The following TECTA variants were observed in gnomAD, a reference collection of about 807,000 sequenced individuals.
TECTA encodes the protein tectorin alpha, also known as alpha-tectorin.
TECTA carries 128 observed loss-of-function variants against 216.8 expected under a neutral mutation model. The observed-to-expected ratio is 0.59, with a 90% CI of 0.51 to 0.68. The LOEUF (loss-of-function observed/expected upper bound fraction) is 0.68, where lower values mean the gene tolerates loss of function less well. Ranked by LOEUF, TECTA falls within the 30% of genes least tolerant of loss-of-function variation. The probability of loss-of-function intolerance (pLI) is 0.00; values close to 1 mark genes in which losing one functional copy is unlikely to be tolerated. For synonymous variants in TECTA, 1,089 were observed against 1,117.1 expected (o/e 0.97, Z 0.50); for missense variants, 2,551 against 2,786.2 (o/e 0.92, Z 1.90).
chr11:121,106,453 G>A (rs376916641), intron 3 of TECTA, among the ~76,000 whole-genome samples: 106 of 152,208 alleles, frequency 7.0e-4, no homozygotes, highest in African/African-American at 2.4e-3. Context: ...CCTCAATATG[G>A]GTCTGTAGAT....
At position 121,149,077 on chromosome 11, in the gene TECTA, C is replaced by T. The variant is rs192463186; in HGVS notation, c.4105+2961C>T. Among the ~76,000 whole-genome samples, 257 of 152,362 alleles carry T rather than the reference C, an allele frequency of 1.7e-3. 1 individual carries two copies. Among genetic ancestry groups the T allele is most frequent in the Admixed American group, 1.8e-3 (28 of 15,302 alleles). On this transcript the variant is annotated intron_variant, in intron 12 of 23. Coordinates refer to ENST00000392793, the MANE Select transcript of TECTA (RefSeq NM_005422.4). ...TGGGATCTGGGGACTCATGCATTTA[C>T]TTCTCATGGCAACCCTGCCAGGTAG...
At chr11:121,140,186 C>T (rs889503851) in intron 11 of TECTA, among the ~76,000 whole-genome samples, 1 of 152,090 alleles carries the variant, frequency 6.6e-6, no homozygotes, top group Non-Finnish European at 1.5e-5. Context: ...ATTTAGGTAC[C>T]GCAACATCTG....
intron 20 of TECTA, among the ~76,000 whole-genome samples, chr11:121,179,027 T>A (rs1947198916): frequency 6.6e-6 from 1 of 152,112 alleles, no homozygotes; most frequent in African/African-American, 2.4e-5. Flanking sequence ...TGTTATCTTT[T>A]AAAAAACCAA....
chr11:121,125,584 G>T lies in TECTA; in HGVS notation c.1486G>T (p.Asp496Tyr). 6.2e-7 allele frequency: 1 copy of T among 1,613,958 alleles called. No individual in the cohort carries two copies. Among genetic ancestry groups the T allele is most frequent in the Non-Finnish European group, 8.5e-7 (1 of 1,179,940 alleles). ...AGAGAGCTGGCGTGTGTACCACGCA[G>T]ACTGGAAGTGCGACTCCGGCTGCGT... ...LGESWRVYHA[D>Y]WKCDSGCVDN... is the part of the protein sequence containing the mutation. The change falls in exon 8 of 24, where the codon GAC becomes TAC. Residue 496 changes from aspartate to tyrosine, a missense_variant. Physicochemically the swap from Asp to Tyr is radical, Grantham distance 160 (BLOSUM62 -3). Around this residue, in one of 3 missense-constraint regions of TECTA, gnomAD observed 2,375 missense variants for 2,563.9 expected, o/e 0.93. Coordinates refer to ENST00000392793, the MANE Select transcript of TECTA (RefSeq NM_005422.4).
rs1014593982 is a variant in TECTA, at chr11:121,109,411, C to T, written c.399C>T (p.Phe133=). Reference sequence around the variant, plus strand: ...CCACCAAGGACATCAGGAAGTACTTCAAAGACATGGCAACCTTCTCTGCCA... The same window carrying T: ...CCACCAAGGACATCAGGAAGTACTTTAAAGACATGGCAACCTTCTCTGCCA... ...KRATKDIRKY[F]KDMATFSATW... The change falls in exon 4 of 24, where the codon TTC becomes TTT. Residue 133 remains phenylalanine, a synonymous_variant. Transcript: ENST00000392793. 3.1e-6 allele frequency: 5 copies of T among 1,614,200 alleles called. No individual in the cohort carries two copies. Among genetic ancestry groups the T allele is most frequent in the Non-Finnish European group, 2.5e-6 (3 of 1,180,024 alleles).
At chr11:121,176,777 C>T (rs1487538467) in intron 20 of TECTA, among the ~76,000 whole-genome samples, 7 of 152,014 alleles carry the variant, frequency 4.6e-5, no homozygotes, top group South Asian at 2.1e-4. Context: ...TATTTTCCAA[C>T]TTGGTTCCAT....
In TECTA at chr11:121,119,000, C is replaced by CACACACACAA. The variant is rs1238033295; in HGVS notation, c.1203+291_1203+292insAACACACACA. ...CCTCATAAACACTGATAGGCACACA[C>CACACACACAA]ACACACACACACACACACACACACA... On this transcript the variant is annotated intron_variant, in intron 7 of 23. Coordinates refer to ENST00000392793, the MANE Select transcript of TECTA (RefSeq NM_005422.4). Among the ~76,000 whole-genome samples, 697 of 109,254 alleles carry CACACACACAA rather than the reference C, an allele frequency of 6.4e-3. 6 individuals are homozygous for CACACACACAA. The highest frequency in any genetic ancestry group is 0.023 in the African/African-American group (457 of 19,898). The allele number at this position is 109,254 out of a possible 152,430, so 71.7% of individuals were successfully genotyped here.
chr11:121,128,197 G>C lies in TECTA; in HGVS notation c.2220G>C (p.Leu740=). ...CCTCCGAGTTCTCCTACACCCTCCT[G>C]AAGACCTGCCCTGAGCGCCCAGAGT... ...AFPSEFSYTL[L]KTCPERPEYL... The change falls in exon 9 of 24, where the codon CTG becomes CTC. Residue 740 remains leucine, a synonymous_variant. Coordinates refer to ENST00000392793, the MANE Select transcript of TECTA (RefSeq NM_005422.4). The C allele has an allele frequency of 6.2e-7, 1 of 1,606,656 alleles. No homozygotes were observed. The highest frequency in any genetic ancestry group is 8.5e-7 in the Non-Finnish European group (1 of 1,179,982).
intron 3 of TECTA, among the ~76,000 whole-genome samples, chr11:121,106,451 T>G (rs763425360): frequency 3.9e-5 from 6 of 152,178 alleles, no homozygotes; most frequent in Non-Finnish European, 8.8e-5. Flanking sequence ...ACCCTCAATA[T>G]GGGTCTGTAG....
chr11:121,140,129 A>G (rs930975958), intron 11 of TECTA, among the ~76,000 whole-genome samples: 1 of 151,948 alleles, frequency 6.6e-6, no homozygotes, highest in Non-Finnish European at 1.5e-5. Flanking sequence ...TGTCTCATCT[A>G]GTTTATGATG....
At position 121,191,123 on chromosome 11, in the gene TECTA, T is replaced by TGGAAATCTGACC; in HGVS notation, c.*318_*329dup. On this transcript the variant is annotated 3_prime_UTR_variant, in exon 24 of 24. Transcript: ENST00000392793. ...AAAATTCTGGTTAGAGAAATCTGAC[T>TGGAAATCTGACC]GGAAATCTGACCAGAGAAATCTGTC... 3 of 333,950 alleles carry TGGAAATCTGACC rather than the reference T, an allele frequency of 9.0e-6. No individual in the cohort carries two copies. Among genetic ancestry groups the TGGAAATCTGACC allele is most frequent in the Non-Finnish European group, 1.7e-5 (3 of 173,202 alleles). 20.7% of individuals were successfully genotyped at this position (333,950 alleles called of 1,614,324 possible). A position where few individuals can be genotyped will look rare whatever the true frequency, so the allele number is the denominator to read the frequency against.
In TECTA at chr11:121,120,159, GA is replaced by G. The variant is rs201875892; in HGVS notation, c.1203+1442del. Reference sequence around the variant, plus strand: ...TAAAATTCTTTTTTATTCTCAGTCAGATTTTTTTTTTAGAAGGAAAGGGACA... The same window carrying G: ...TAAAATTCTTTTTTATTCTCAGTCAGTTTTTTTTTTAGAAGGAAAGGGACA... On this transcript the variant is annotated intron_variant, in intron 7 of 23. Transcript: ENST00000392793. Among the ~76,000 whole-genome samples, 1,461 of 151,870 alleles carry G rather than the reference GA, an allele frequency of 9.6e-3. 29 individuals are homozygous for G. Among genetic ancestry groups the G allele is most frequent in the African/African-American group, 0.034 (1,397 of 41,244 alleles).
At chr11:121,146,432 G>C (rs1019656331) in intron 12 of TECTA, among the ~76,000 whole-genome samples, 21 of 152,326 alleles carry the variant, frequency 1.4e-4, no homozygotes, top group African/African-American at 5.1e-4. Flanking sequence ...ATGCTAACGA[G>C]ATTAATGAAA....
At chr11:121,115,554 C>CT (rs1946493826) in intron 6 of TECTA, among the ~76,000 whole-genome samples, 1 of 152,150 alleles carries the variant, frequency 6.6e-6, no homozygotes, top group Admixed American at 6.5e-5. Context: ...GAGGAGGTGC[C>CT]TTTATCCCCT....
chr11:121,189,713 G>A (rs1947323297), intron 22 of TECTA, 51 bp from the exon 23 acceptor site: 1 of 1,530,906 alleles, frequency 6.5e-7, no homozygotes, highest in East Asian at 2.2e-5. Context: ...TTCAATACCA[G>A]TGGAAGGGTT....
chr11:121,109,190 A>C, intron 3 of TECTA, 21 bp from the exon 4 acceptor site: 1 of 1,613,970 alleles, frequency 6.2e-7, no homozygotes. Flanking sequence ...CCACTGTGCA[A>C]AACCTCTCTT....
intron 6 of TECTA, among the ~76,000 whole-genome samples, chr11:121,116,950 T>G (rs114815662): frequency 4.1e-4 from 62 of 152,342 alleles, no homozygotes; most frequent in African/African-American, 1.5e-3. Context: ...TCTCTCATTT[T>G]TCAACCCTAT....
At chr11:121,168,536 GGTACT>G in intron 19 of TECTA, 136 bp from the exon 20 acceptor site, 1 of 1,231,228 alleles carries the variant, frequency 8.1e-7, no homozygotes, top group Non-Finnish European at 1.2e-6. Flanking sequence ...GTGGCTAGCA[GGTACT>G]GTATTGGACA....
Position 121,128,146 on chromosome 11 carries a change from C to A in TECTA, c.2169C>A (p.Thr723=). The A allele has an allele frequency of 1.2e-6, 2 of 1,612,346 alleles. No homozygotes were observed. The highest frequency in any genetic ancestry group is 8.5e-7 in the Non-Finnish European group (1 of 1,180,032). The stretch of plus-strand genomic sequence containing the variant: ...TCAGCCAGAACCAGGTGCTGCACAC[C>A]TTTGACGGCGCCTCCTACGCCTTCC... ...CLLSQNQVLH[T]FDGASYAFPS... is the part of the protein sequence containing the mutation. The change falls in exon 9 of 24, where the codon ACC becomes ACA. Residue 723 remains threonine, a synonymous_variant. Coordinates refer to ENST00000392793, the MANE Select transcript of TECTA (RefSeq NM_005422.4).
Sources: gnomAD v4.1 joint callset for allele counts (sites outside exome capture counted in the v4.1 genomes callset) on GRCh38, gnomAD v4.1.1 for gene constraint, gnomAD v4.1.1 regional missense constraint, MANE v1.5 for transcripts, NCBI Gene and HGNC (gene_info 2026-07-23, HGNC 2026-07-21) for gene names.